The following DOCK2 variants were observed in gnomAD, a reference collection of about 807,000 sequenced individuals.
DOCK2 encodes the protein dedicator of cytokinesis 2.
A neutral mutation model predicts 248.9 loss-of-function variants in DOCK2; 87 were observed. That is an observed-to-expected ratio of 0.35 (90% CI 0.29 to 0.42). DOCK2 has a LOEUF of 0.42. DOCK2 is among the 10% of genes least tolerant of loss of function. The pLI, the probability that DOCK2 is intolerant of heterozygous loss-of-function variation, is 1.00. For synonymous variants in DOCK2, 805 were observed against 821.6 expected, an observed-to-expected ratio of 0.98 and a Z score of 0.35; for missense variants, 1,747 against 2,300.2, an observed-to-expected ratio of 0.76 and a Z score of 4.92.
chr5:169,662,427 G>T (rs1758495755), intron 2 of DOCK2, among the ~76,000 whole-genome samples: 1 of 151,818 alleles, frequency 6.6e-6, no homozygotes, highest in Non-Finnish European at 1.5e-5. Context: ...TCATTTTGTT[G>T]TTTTCTTTGG....
chr5:169,783,403 A>G (rs932983113), intron 25 of DOCK2, among the ~76,000 whole-genome samples: 1 of 152,176 alleles, frequency 6.6e-6, no homozygotes, highest in Admixed American at 6.5e-5. Flanking sequence ...TGACTTTGGA[A>G]AAGTCATGTC....
At chr5:169,803,769 G>A (rs1193470389) in intron 26 of DOCK2, among the ~76,000 whole-genome samples, 2 of 152,134 alleles carry the variant, frequency 1.3e-5, no homozygotes, top group African/African-American at 4.8e-5. Flanking sequence ...AGCTGGGGAC[G>A]GAAACCAAAG....
At chr5:169,915,224 G>A (rs1774810934) in intron 27 of DOCK2, among the ~76,000 whole-genome samples, 1 of 152,034 alleles carries the variant, frequency 6.6e-6, no homozygotes, top group Admixed American at 6.6e-5. Context: ...GAGAACTTTC[G>A]GGTAAAAGCA....
rs79983217 is a variant in DOCK2 at position 170,012,509 on chromosome 5, T to C, written c.3232+3763T>C. Reference sequence around the variant, plus strand: ...AACCCTGTGTTTATAAGATAGCTAATTGCAAAGCTATAATCTCAGGCTTGA... The same window carrying C: ...AACCCTGTGTTTATAAGATAGCTAACTGCAAAGCTATAATCTCAGGCTTGA... On this transcript the variant is annotated intron_variant, in intron 32 of 51. Transcript: ENST00000520908. 2.0e-3 allele frequency among the ~76,000 whole-genome samples: 304 copies of C among 152,350 alleles called. 1 individual carries two copies. Among genetic ancestry groups the C allele is most frequent in the Non-Finnish European group, 3.7e-3 (252 of 68,030 alleles).
intron 32 of DOCK2, among the ~76,000 whole-genome samples, chr5:170,011,228 G>C (rs932664209): frequency 6.6e-6 from 1 of 152,158 alleles, no homozygotes; most frequent in African/African-American, 2.4e-5. Context: ...GGGTTTTCTA[G>C]GGGGAAGCCC....
At chr5:169,996,635 A>G (rs1231923728) in intron 30 of DOCK2, among the ~76,000 whole-genome samples, 1 of 152,164 alleles carries the variant, frequency 6.6e-6, no homozygotes, top group Non-Finnish European at 1.5e-5. Context: ...AGGGTCCTAA[A>G]AGTATGTGCC....
chr5:169,754,906 G>C (rs1048460501), intron 23 of DOCK2, among the ~76,000 whole-genome samples: 1 of 67,300 alleles, frequency 1.5e-5, no homozygotes, highest in Non-Finnish European at 3.2e-5. Context: ...TTCCAATAAT[G>C]GTTCCTATTT....
At position 169,895,637 on chromosome 5, in the gene DOCK2, A is replaced by G. The variant is rs533677198; in HGVS notation, c.2799+54785A>G. Among the ~76,000 whole-genome samples, 53 of 152,058 alleles carry G rather than the reference A, an allele frequency of 3.5e-4. No homozygotes were observed. The South Asian group carries it at 7.3e-3, about 21-fold the overall frequency. On this transcript the variant is annotated intron_variant, in intron 27 of 51. Transcript: ENST00000520908. Reference sequence around the variant, plus strand: ...GTTCCACCTTCCCTCCACGTTACCTATTGTAACCACAGCCCCCGAGAGCAG... The same window carrying G: ...GTTCCACCTTCCCTCCACGTTACCTGTTGTAACCACAGCCCCCGAGAGCAG...
At position 169,688,948 on chromosome 5, in the gene DOCK2, C is replaced by T. The variant is rs185268564; in HGVS notation, c.762-304C>T. On this transcript the variant is annotated intron_variant, in intron 8 of 51. Transcript: ENST00000520908. ...TCATCTCTGCCATTCTCAATAACCTCTATCAGTATGCAGATGCTCCTCAAA... is the reference window on the plus strand; with the variant it reads ...TCATCTCTGCCATTCTCAATAACCTTTATCAGTATGCAGATGCTCCTCAAA... Among the ~76,000 whole-genome samples the T allele has an allele frequency of 4.2e-3, 636 of 152,342 alleles. 20 individuals carry two copies. Among genetic ancestry groups the T allele is most frequent in the Admixed American group, 0.038 (575 of 15,304 alleles).
At chr5:169,646,429 A>G (rs1361428222) in intron 1 of DOCK2, among the ~76,000 whole-genome samples, 1 of 152,216 alleles carries the variant, frequency 6.6e-6, no homozygotes, top group Non-Finnish European at 1.5e-5. Context: ...AAACTGAGGC[A>G]TAGATCTTTG....
intron 48 of DOCK2, 145 bp downstream of exon 48, chr5:170,077,982 C>T (rs1051504192): frequency 1.4e-6 from 1 of 701,394 alleles, no homozygotes; most frequent in Non-Finnish European, 2.3e-6. Context: ...TGCAGTCTCA[C>T]AACTACCCCA....
At chr5:169,655,209 C>A (rs1315126083) in intron 2 of DOCK2, among the ~76,000 whole-genome samples, 1 of 152,232 alleles carries the variant, frequency 6.6e-6, no homozygotes, top group Non-Finnish European at 1.5e-5. Flanking sequence ...TGCAGTCAGG[C>A]AGGCTCCCAC....
At chr5:169,750,944 G>A (rs889467632) in intron 23 of DOCK2, among the ~76,000 whole-genome samples, 2 of 152,122 alleles carry the variant, frequency 1.3e-5, no homozygotes, top group African/African-American at 4.8e-5. Context: ...TGCAGGAGAG[G>A]GAGCTTTGGC....
intron 28 of DOCK2, among the ~76,000 whole-genome samples, chr5:169,984,735 T>C (rs1778023251): frequency 6.6e-6 from 1 of 152,170 alleles, no homozygotes; most frequent in Non-Finnish European, 1.5e-5. Context: ...GGTAAGGCTT[T>C]CTTTGAACAA....
intron 26 of DOCK2, among the ~76,000 whole-genome samples, chr5:169,831,361 T>A (rs1769220264): frequency 6.6e-6 from 1 of 152,270 alleles, no homozygotes; most frequent in African/African-American, 2.4e-5. Flanking sequence ...GATTCCTGAT[T>A]TGACCACATT....
At chr5:170,077,084 G>C (rs755259914) in intron 47 of DOCK2, among the ~76,000 whole-genome samples, 4 of 152,194 alleles carry the variant, frequency 2.6e-5, no homozygotes, top group Non-Finnish European at 5.9e-5. Flanking sequence ...TTCAGTTTAT[G>C]ATACAAATCA....
At chr5:169,831,777 C>T (rs1397497487) in intron 26 of DOCK2, among the ~76,000 whole-genome samples, 1 of 152,150 alleles carries the variant, frequency 6.6e-6, no homozygotes, top group Non-Finnish European at 1.5e-5. Flanking sequence ...GCTATGGTTC[C>T]TCAAAACAAT....
chr5:169,989,270 A>G (rs910174244), intron 29 of DOCK2, among the ~76,000 whole-genome samples: 2 of 152,208 alleles, frequency 1.3e-5, no homozygotes, highest in Non-Finnish European at 2.9e-5. Context: ...GCAACACAGT[A>G]AGATCTGATT....
intron 27 of DOCK2, among the ~76,000 whole-genome samples, chr5:169,895,900 A>G (rs1291454873): frequency 1.3e-5 from 2 of 152,002 alleles, no homozygotes; most frequent in African/African-American, 4.8e-5. Flanking sequence ...TTGGCTTCCA[A>G]CCTTCCTTCC....
Sources: gnomAD v4.1 joint callset for allele counts (sites outside exome capture counted in the v4.1 genomes callset) on GRCh38, gnomAD v4.1.1 for gene constraint, MANE v1.5 for transcripts, NCBI Gene and HGNC (gene_info 2026-07-23, HGNC 2026-07-21) for gene names.